Variants in MYH16 observed in about 807,000 individuals in gnomAD.
MYH16 encodes the protein myosin heavy chain 16, also known as putative uncharacterized protein MYH16.
intron 30 of MYH16, 39 bp downstream of exon 11, chr7:99,289,443 C>A: frequency 3.1e-6 from 1 of 324,832 alleles, no homozygotes; most frequent in South Asian, 2.2e-5. Context: ...AGGAGCAGTG[C>A]ATGGAAAGGA....
chr7:99,260,059 G>A, intron 11 of MYH16: 1 of 893,908 alleles, frequency 1.1e-6, no homozygotes, highest in Admixed American at 2.2e-5. Context: ...ACACTAGTGG[G>A]CCCTCTGCAA....
chr7:99,268,327 G>C (rs950653806), intron 18 of MYH16, among the ~76,000 whole-genome samples: 1 of 152,194 alleles, frequency 6.6e-6, no homozygotes, highest in African/African-American at 2.4e-5. Flanking sequence ...ACCCACCCTT[G>C]ACAGATGGGA....
exon 21 of MYH16, chr7:99,277,635 A>C (rs1792133559): frequency 2.2e-6 from 1 of 456,990 alleles, no homozygotes; most frequent in Non-Finnish European, 4.4e-6. Flanking sequence ...GGAGTTGGTA[A>C]ACAAGGTCAA....
chr7:99,299,975 A>ATTTG (rs1169304540), intron 37 of MYH16, among the ~76,000 whole-genome samples: 2 of 137,578 alleles, frequency 1.5e-5, no homozygotes, highest in Non-Finnish European at 3.1e-5. Context: ...TTATTTATTT[A>ATTTG]TTTGATGGAG....
At chr7:99,270,423 G>A (rs1243612211) in intron 18 of MYH16, among the ~76,000 whole-genome samples, 5 of 150,426 alleles carry the variant, frequency 3.3e-5, no homozygotes, top group African/African-American at 4.9e-5. Flanking sequence ...CCGGGTTCAC[G>A]CCATTCTCCT....
chr7:99,285,319 T>A (rs920012073), intron 26 of MYH16, 63 bp from the exon 9 acceptor site: 2 of 454,282 alleles, frequency 4.4e-6, no homozygotes, highest in African/African-American at 4.0e-5. Context: ...CCTAAAAGGC[T>A]AAGGGGCTGA....
chr7:99,281,154 GT>G (rs531945970), intron 23 of MYH16, among the ~76,000 whole-genome samples, 174 bp downstream of exon 5: 419 of 152,322 alleles, frequency 2.8e-3, no homozygotes, highest in African/African-American at 9.8e-3. Context: ...AGTGACATGG[GT>G]GTGGCCCCCC....
At chr7:99,263,789 T>A (rs892427858) in intron 14 of MYH16, among the ~76,000 whole-genome samples, 17 of 152,184 alleles carry the variant, frequency 1.1e-4, no homozygotes, top group Non-Finnish European at 2.2e-4. Flanking sequence ...CTCTCTCTTG[T>A]CAGAAGCAAA....
chr7:99,242,755 T>TC (rs1791680285), intron 1 of MYH16, among the ~76,000 whole-genome samples: 1 of 152,002 alleles, frequency 6.6e-6, no homozygotes, highest in East Asian at 1.9e-4. Flanking sequence ...GTTCCACTCT[T>TC]CCCCCCACCC....
intron 23 of MYH16, among the ~76,000 whole-genome samples, chr7:99,282,565 C>T (rs537897898): frequency 1.6e-3 from 241 of 151,374 alleles, no homozygotes; most frequent in Non-Finnish European, 1.1e-3. Context: ...TTTGACTTCC[C>T]AGGCTCAGGT....
intron 33 of MYH16, among the ~76,000 whole-genome samples, chr7:99,295,235 C>T (rs976049178): frequency 6.6e-6 from 1 of 151,902 alleles, no homozygotes. Context: ...AAAAATTAGC[C>T]GGGCGTGGTG....
At chr7:99,290,310 C>G (rs555628682) in intron 30 of MYH16, among the ~76,000 whole-genome samples, 1 of 151,234 alleles carries the variant, frequency 6.6e-6, no homozygotes, top group Non-Finnish European at 1.5e-5. Flanking sequence ...ATAGCAAGAC[C>G]CCCATCTCTA....
exon 12 of MYH16, chr7:99,260,319 C>T (rs1374293889): frequency 1.9e-5 from 27 of 1,388,560 alleles, no homozygotes; most frequent in Non-Finnish European, 2.6e-5. Context: ...AGGCCTGCAT[C>T]GACCTGCTGG....
At position 99,241,946 on chromosome 7, in the gene MYH16, C is replaced by T. The variant is rs183622026; in HGVS notation, n.211-1332C>T. On this transcript the variant is annotated intron_variant and non_coding_transcript_variant, in intron 1 of 41. Coordinates refer to ENST00000439784, the Ensembl canonical transcript of MYH16. ...CATGATCTCCGCTCACTGCAACCCC[C>T]GCCCCCTGGGTTCAAGTGATTCTCC... Among the ~76,000 whole-genome samples the T allele has an allele frequency of 9.2e-5, 14 of 152,150 alleles. No individual in the cohort carries two copies. The East Asian group carries it at 1.7e-3, about 19-fold the overall frequency.
intron 4 of MYH16, among the ~76,000 whole-genome samples, chr7:99,249,319 G>A (rs979563293): frequency 1.3e-5 from 2 of 151,976 alleles, no homozygotes; most frequent in Non-Finnish European, 2.9e-5. Context: ...GGCTGAGGCA[G>A]GAGGATCGCT....
chr7:99,254,704 TACAC>T (rs951596227), intron 8 of MYH16, among the ~76,000 whole-genome samples: 1 of 152,116 alleles, frequency 6.6e-6, no homozygotes, highest in Admixed American at 6.5e-5. Context: ...GACTCAGTCT[TACAC>T]ACACACACCT....
intron 41 of MYH16, among the ~76,000 whole-genome samples, chr7:99,306,304 G>GTTT (rs1792678221): frequency 6.6e-6 from 1 of 152,048 alleles, no homozygotes; most frequent in Non-Finnish European, 1.5e-5. Flanking sequence ...CGAGGTAGGT[G>GTTT]GATCACCTGA....
At chr7:99,292,027 G>A (rs561965751) in intron 31 of MYH16, among the ~76,000 whole-genome samples, 4 of 152,220 alleles carry the variant, frequency 2.6e-5, no homozygotes, top group Middle Eastern at 3.4e-3. Context: ...GATGTCAAAG[G>A]AATACAAAAA....
At chr7:99,279,471 C>G (rs1013049090) in intron 21 of MYH16, 39 bp from the exon 4 acceptor site, 5 of 454,128 alleles carry the variant, frequency 1.1e-5, no homozygotes, top group African/African-American at 1.0e-4. Flanking sequence ...TGGTCTTTGC[C>G]TGGACCCTGT....
Sources: gnomAD v4.1 joint callset for allele counts (sites outside exome capture counted in the v4.1 genomes callset) on GRCh38, gnomAD v4.1.1 for gene constraint, MANE v1.5 for transcripts, NCBI Gene and HGNC (gene_info 2026-07-23, HGNC 2026-07-21) for gene names.